The following MACROD2 variants were observed in gnomAD, a reference collection of about 807,000 sequenced individuals.
MACROD2 encodes ADP-ribose glycohydrolase MACROD2.
A neutral mutation model predicts 70.4 loss-of-function variants in MACROD2; 36 were observed. The observed-to-expected ratio is 0.51, with a 90% CI of 0.39 to 0.68. The LOEUF (loss-of-function observed/expected upper bound fraction) is 0.68. Among genes scored for constraint, MACROD2 ranks in the 30% least tolerant of loss-of-function variants. MACROD2 has a pLI of 0.00. For missense variants in MACROD2, 496 were observed against 538.4 expected (o/e 0.92, Z 0.78); for synonymous variants, 172 against 178.8 (o/e 0.96, Z 0.30).
intron 8 of MACROD2, among the ~76,000 whole-genome samples, chr20:15,569,552 C>G (rs770854524): frequency 4.6e-5 from 7 of 152,226 alleles, no homozygotes; most frequent in Non-Finnish European, 1.0e-4. Flanking sequence ...TGTTCCCCAG[C>G]CACCCAAGTC....
At chr20:15,148,385 TAGG>T (rs1417721249) in intron 5 of MACROD2, among the ~76,000 whole-genome samples, 1 of 152,034 alleles carries the variant, frequency 6.6e-6, no homozygotes, top group Non-Finnish European at 1.5e-5. Flanking sequence ...TGGGAGGACC[TAGG>T]ACATCTAATT....
chr20:15,464,237 A>G (rs1036630857), intron 7 of MACROD2, among the ~76,000 whole-genome samples: 1 of 151,956 alleles, frequency 6.6e-6, no homozygotes, highest in Non-Finnish European at 1.5e-5. Context: ...GCTAGTCTTG[A>G]GCTCCTGGGT....
intron 2 of MACROD2, among the ~76,000 whole-genome samples, chr20:14,037,985 T>C (rs377214399): frequency 1.3e-5 from 2 of 151,886 alleles, no homozygotes; most frequent in East Asian, 1.9e-4. Flanking sequence ...GCGAGATAAC[T>C]GTCTCAATTA....
At chr20:15,774,925 G>A (rs2147025888) in intron 8 of MACROD2, among the ~76,000 whole-genome samples, 1 of 152,148 alleles carries the variant, frequency 6.6e-6, no homozygotes, top group South Asian at 2.1e-4. Flanking sequence ...TGTGCTCCTA[G>A]CTCCTGTGCC....
intron 8 of MACROD2, among the ~76,000 whole-genome samples, chr20:15,704,035 G>T (rs1325568196): frequency 6.6e-6 from 1 of 152,078 alleles, no homozygotes; most frequent in Non-Finnish European, 1.5e-5. Flanking sequence ...AATACCAGGG[G>T]GTGAGAATGA....
At chr20:15,766,122 T>A (rs988685839) in intron 8 of MACROD2, among the ~76,000 whole-genome samples, 2 of 152,108 alleles carry the variant, frequency 1.3e-5, no homozygotes, top group Admixed American at 1.3e-4. Context: ...TGTGGGTCTC[T>A]GTGTGTTCCC....
intron 3 of MACROD2, among the ~76,000 whole-genome samples, chr20:14,478,917 A>G (rs1311074597): frequency 1.3e-5 from 2 of 151,966 alleles, no homozygotes; most frequent in African/African-American, 4.8e-5. Context: ...AGGGGACAGA[A>G]CACATTTTTC....
chr20:15,312,291 T>G (rs2077761417), intron 6 of MACROD2, among the ~76,000 whole-genome samples: 1 of 152,216 alleles, frequency 6.6e-6, no homozygotes, highest in African/African-American at 2.4e-5. Flanking sequence ...TGGTGTTAAT[T>G]TGTTAAGATG....
chr20:14,427,105 C>G (rs2083942720), intron 3 of MACROD2, among the ~76,000 whole-genome samples: 1 of 151,936 alleles, frequency 6.6e-6, no homozygotes, highest in Admixed American at 6.6e-5. Flanking sequence ...ATTATTCACC[C>G]CTCATTCCTC....
At chr20:15,442,336 G>A (rs367987780) in intron 7 of MACROD2, among the ~76,000 whole-genome samples, 29 of 152,186 alleles carry the variant, frequency 1.9e-4, no homozygotes, top group African/African-American at 5.8e-4. Flanking sequence ...AAAAGACTCC[G>A]AAATAGACTG....
intron 2 of MACROD2, among the ~76,000 whole-genome samples, chr20:14,009,187 T>A (rs757609215): frequency 4.6e-5 from 7 of 152,128 alleles, no homozygotes; most frequent in Non-Finnish European, 8.8e-5. Context: ...ACCTACAGAA[T>A]GGGAGAAAAT....
chr20:14,078,140 G>C (rs2053939769), intron 2 of MACROD2, among the ~76,000 whole-genome samples: 1 of 152,114 alleles, frequency 6.6e-6, no homozygotes, highest in Non-Finnish European at 1.5e-5. Flanking sequence ...GAACTCAGGT[G>C]ATCCGCCTGC....
intron 2 of MACROD2, among the ~76,000 whole-genome samples, chr20:14,037,296 A>C (rs963338922): frequency 6.6e-6 from 1 of 152,250 alleles, no homozygotes; most frequent in Non-Finnish European, 1.5e-5. Flanking sequence ...ACATGTAATA[A>C]TGGGAATTTA....
intron 6 of MACROD2, among the ~76,000 whole-genome samples, chr20:15,333,705 G>C (rs576240773): frequency 6.6e-6 from 1 of 151,518 alleles, no homozygotes; most frequent in African/African-American, 2.4e-5. Context: ...TCAAAGGCGT[G>C]TTAGGAGGTT....
intron 5 of MACROD2, among the ~76,000 whole-genome samples, chr20:15,040,711 G>A (rs1297222520): frequency 6.6e-6 from 1 of 152,198 alleles, no homozygotes; most frequent in East Asian, 1.9e-4. Context: ...TTGTTCAGCA[G>A]ATGGCTTTAT....
At chr20:15,774,506 G>T (rs924791724) in intron 8 of MACROD2, among the ~76,000 whole-genome samples, 2 of 152,082 alleles carry the variant, frequency 1.3e-5, no homozygotes, top group African/African-American at 4.8e-5. Flanking sequence ...ATTCTGATGG[G>T]TCCAAATTCC....
chr20:15,376,892 T>A (rs1017358336), intron 6 of MACROD2, among the ~76,000 whole-genome samples: 6 of 152,102 alleles, frequency 3.9e-5, no homozygotes, highest in Admixed American at 1.3e-4. Flanking sequence ...TATTCTTATT[T>A]TTTATTTATT....
At position 16,013,745 on chromosome 20, in the gene MACROD2, G is replaced by C. The variant is rs114211645; in HGVS notation, c.1153+26587G>C. 3.2e-3 allele frequency among the ~76,000 whole-genome samples: 480 copies of C among 152,316 alleles called. 2 individuals carry two copies. The highest frequency in any genetic ancestry group is 0.011 in the African/African-American group (461 of 41,562). On this transcript the variant is annotated intron_variant, in intron 15 of 17. Coordinates refer to ENST00000684519, the MANE Select transcript of MACROD2 (RefSeq NM_001351661.2). ...AGAGACAGAGAAAGTAACATTCATG[G>C]AGAATACACAGAGTGACATTGCAAT...
chr20:14,012,849 C>T (rs2148618119), intron 2 of MACROD2, among the ~76,000 whole-genome samples: 1 of 152,266 alleles, frequency 6.6e-6, no homozygotes, highest in African/African-American at 2.4e-5. Flanking sequence ...GAGGTCACCG[C>T]AATAGCAATA....
Sources: gnomAD v4.1 joint callset for allele counts (sites outside exome capture counted in the v4.1 genomes callset) on GRCh38, gnomAD v4.1.1 for gene constraint, MANE v1.5 for transcripts, NCBI Gene and HGNC (gene_info 2026-07-23, HGNC 2026-07-21) for gene names.